Variants in ITGA10 observed in about 807,000 individuals in gnomAD.
The protein encoded by ITGA10 is integrin subunit alpha 10.
ITGA10 carries 105 observed loss-of-function variants against 145.2 expected under a neutral mutation model. The ratio of observed to expected loss-of-function variants is 0.72; its 90% CI spans 0.62 to 0.85. ITGA10 has a LOEUF of 0.85. Ranked by LOEUF, ITGA10 falls within the 40% of genes least tolerant of loss-of-function variation. ITGA10 has a pLI of 0.00. For missense variants in ITGA10, 1,317 were observed against 1,444.5 expected (o/e 0.91, Z 1.43); for synonymous variants, 506 against 557.8 (o/e 0.91, Z 1.31).
chr1:145,893,996 T>C (rs1010949176), intron 27 of ITGA10, among the ~76,000 whole-genome samples: 4 of 151,046 alleles, frequency 2.6e-5, no homozygotes, highest in African/African-American at 9.8e-5. Context: ...CCAACACTGG[T>C]GTTTACTTCT....
In ITGA10 at chr1:145,901,275, C is replaced by T. The variant is rs1553748267; in HGVS notation, c.1447G>A (p.Gly483Ser). The T allele has an allele frequency of 6.2e-7, 1 of 1,614,070 alleles. No individual in the cohort carries two copies. The highest frequency in any genetic ancestry group is 1.7e-5 in the Admixed American group (1 of 60,010). Residue 483 changes from glycine (G) to serine (S), a missense_variant, in exon 13 of 30, where the codon GGT (glycine) becomes AGT (serine). Gly to Ser is a moderately conservative substitution (Grantham distance 56). Transcript: ENST00000369304. The surrounding 1 kb of genome is among the most constrained non-coding windows in gnomAD (Gnocchi z 4.3). ...CAGAGCTCACTGCCAAAGTATGAAC[C>T]AATCTGGGGAATGGTGGGTGATGAT... is the stretch of plus-strand genomic sequence containing the variant. ...VAQSLQGEQI[G>S]SYFGSELCPL...
At chr1:145,894,375 G>T (rs782231582) in intron 27 of ITGA10, among the ~76,000 whole-genome samples, 33 of 152,122 alleles carry the variant, frequency 2.2e-4, no homozygotes, top group Non-Finnish European at 4.1e-4. Context: ...CTCCCAAAGT[G>T]CAGGGATTAC....
intron 4 of ITGA10, 69 bp downstream of exon 4, chr1:145,906,664 C>G: frequency 7.2e-7 from 1 of 1,397,536 alleles, no homozygotes; most frequent in Non-Finnish European, 1.0e-6. Context: ...ACCATTTTCC[C>G]TTACCACACT....
rs1345291595 is a variant in ITGA10, at chr1:145,897,539, G to C, written c.2547C>G (p.Asn849Lys). Residue 849 changes from asparagine to lysine, a missense_variant, in exon 20 of 30, where the codon AAC becomes AAG. By Grantham distance (94) the Asn-to-Lys change is moderately conservative. Transcript: ENST00000369304. ...GAGGAGTGAGACTGGCCAGGTGGAG[G>C]TTTCTAGAGAAGATGAGACTCAGGC... The part of the protein sequence containing the change: ...NTSLSLIFSR[N>K]LHLASLTPQR... The C allele has an allele frequency of 2.5e-6, 4 of 1,613,932 alleles. No individual in the cohort carries two copies. Among genetic ancestry groups the C allele is most frequent in the Middle Eastern group, 1.6e-4 (1 of 6,084 alleles).
At position 145,906,671 on chromosome 1, in the gene ITGA10, C is replaced by T. The variant is rs1357625369; in HGVS notation, c.366+62G>A. 3 of 1,423,792 alleles carry T rather than the reference C, an allele frequency of 2.1e-6. No individual in the cohort carries two copies. The African/African-American group carries it at 4.2e-5, about 20-fold the overall frequency. The allele number at this position is 1,423,792 out of a possible 1,614,324, so 88.2% of individuals were successfully genotyped here. A position where few individuals can be genotyped will look rare whatever the true frequency, so the allele number is the denominator to read the frequency against. ...CCACACAGACCATTTTCCCTTACCA[C>T]ACTTCTCTTTTTTCTTTTATGGACC... On this transcript the variant is annotated intron_variant, in intron 4 of 29. Transcript: ENST00000369304.
chr1:145,907,263 A>C (rs948016880), intron 2 of ITGA10, 91 bp downstream of exon 2: 47 of 1,604,698 alleles, frequency 2.9e-5, no homozygotes, highest in Non-Finnish European at 3.9e-5. Context: ...CTTTCAAAAG[A>C]CCAGATTAGT....
intron 5 of ITGA10, among the ~76,000 whole-genome samples, chr1:145,905,340 C>T (rs1656984702): frequency 6.6e-6 from 1 of 151,336 alleles, no homozygotes; most frequent in African/African-American, 2.4e-5. Flanking sequence ...AGTGCAGTGG[C>T]GCAATCTCGG....
rs1210561022 is a variant in ITGA10 at position 145,902,881 on chromosome 1, T to C, written c.839A>G (p.His280Arg). The part of the protein sequence containing the change: ...LLVVVTDGES[H>R]DGEELPAALK... ...TGCTGCAGGAAGCTCCTCTCCATCA[T>C]GGGACTCTCCATCAGTGACAACCAC... is the stretch of plus-strand genomic sequence containing the variant. Residue 280 changes from histidine (H) to arginine (R), a missense_variant, in exon 8 of 30, where the codon CAT becomes CGT. Transcript: ENST00000369304. 6.2e-7 allele frequency: 1 copy of C among 1,614,014 alleles called. No individual in the cohort carries two copies. The highest frequency in any genetic ancestry group is 8.5e-7 in the Non-Finnish European group (1 of 1,179,974).
chr1:145,903,918 A>G (rs1656727427), intron 7 of ITGA10, 134 bp downstream of exon 7: 3 of 904,708 alleles, frequency 3.3e-6, no homozygotes, highest in African/African-American at 1.7e-5. Context: ...CGAACTCCTG[A>G]CCTCAGGTGA....
At position 145,892,254 on chromosome 1, in the gene ITGA10, CCTT is replaced by C. The variant is rs1320896868; in HGVS notation, c.*541_*543del. ...TCTCTTGTGGCTTTTCCTCCTCCCT[CCTT>C]TTTTCCTGTTGACTCTCCCCATCCG... On this transcript the variant is annotated 3_prime_UTR_variant, in exon 30 of 30. Transcript: ENST00000369304. 2 of 153,378 alleles carry C rather than the reference CCTT, an allele frequency of 1.3e-5. No individual in the cohort carries two copies. Among genetic ancestry groups the C allele is most frequent in the Non-Finnish European group, 2.9e-5 (2 of 68,656 alleles). The allele number at this position is 153,378 out of a possible 1,614,324, so 9.5% of individuals were successfully genotyped here. A position where few individuals can be genotyped will look rare whatever the true frequency, so the allele number is the denominator to read the frequency against.
At chr1:145,906,951 T>C (rs1241960344) in intron 3 of ITGA10, 90 bp downstream of exon 3, 1 of 1,169,624 alleles carries the variant, frequency 8.5e-7, no homozygotes, top group Non-Finnish European at 1.2e-6. Context: ...ATGCGGATTT[T>C]AGGGGTGAAA....
Position 145,910,004 on chromosome 1 carries a change from G to A in ITGA10, c.11C>T (p.Pro4Leu), listed in dbSNP as rs1553752692. Residue 4 changes from proline to leucine, a missense_variant, in exon 1 of 30, where the codon CCC becomes CTC. By Grantham distance (98) the Pro-to-Leu change is moderately conservative (BLOSUM62 -3). Coordinates refer to ENST00000369304, the MANE Select transcript of ITGA10 (RefSeq NM_003637.5). Reference sequence around the variant, plus strand: ...GGGCAAGAACAGGTGAGTGACGAAGGGGAGTTCCATGCCTGATCGGTTTCT... The same window carrying A: ...GGGCAAGAACAGGTGAGTGACGAAGAGGAGTTCCATGCCTGATCGGTTTCT... MEL[P>L]FVTHLFLPLV... 4 of 1,613,082 alleles carry A rather than the reference G, an allele frequency of 2.5e-6. No individual in the cohort carries two copies. The highest frequency in any genetic ancestry group is 2.7e-5 in the African/African-American group (2 of 74,854).
Position 145,900,779 on chromosome 1 carries a change from G to T in ITGA10, c.1791+11C>A, listed in dbSNP as rs1656179132. The T allele has an allele frequency of 2.5e-6, 4 of 1,613,260 alleles. No individual in the cohort carries two copies. Among genetic ancestry groups the T allele is most frequent in the Non-Finnish European group, 3.4e-6 (4 of 1,179,438 alleles). On this transcript the variant is annotated intron_variant, in intron 14 of 29. Transcript: ENST00000369304. ...ACAACCGTGCCCCTGCTTTATTTGG[G>T]TACTCCTGACCTGGGCAGGATGGGG...
chr1:145,894,881 G>A (rs1414828577), intron 27 of ITGA10, among the ~76,000 whole-genome samples: 2 of 152,028 alleles, frequency 1.3e-5, no homozygotes, highest in Non-Finnish European at 2.9e-5. Context: ...CCTAATACAG[G>A]GCCTTTTACG....
At position 145,901,674 on chromosome 1, in the gene ITGA10, G is replaced by A. The variant is rs1559204065; in HGVS notation, c.1295-10C>T. The A allele has an allele frequency of 6.4e-7, 1 of 1,552,202 alleles. No individual in the cohort carries two copies. The highest frequency in any genetic ancestry group is 8.7e-7 in the Non-Finnish European group (1 of 1,150,828). Reference sequence around the variant, plus strand: ...GAAGAAACAGAGTAACCTAGAAGTGGGCAAAGTAACAGAGGTAAAGGAAAA... The same window carrying A: ...GAAGAAACAGAGTAACCTAGAAGTGAGCAAAGTAACAGAGGTAAAGGAAAA... On this transcript the variant is annotated splice_polypyrimidine_tract_variant and intron_variant, in intron 11 of 29. Coordinates refer to ENST00000369304, the MANE Select transcript of ITGA10 (RefSeq NM_003637.5). The surrounding 1 kb of genome is among the most constrained non-coding windows in gnomAD (Gnocchi z 4.3).
chr1:145,907,327 C>T (rs1265884826), intron 2 of ITGA10, 27 bp downstream of exon 2: 1 of 1,614,046 alleles, frequency 6.2e-7, no homozygotes, highest in African/African-American at 1.3e-5. Context: ...CAGTCCCAAT[C>T]CCCTGGCACT....
chr1:145,899,140 T>C, intron 16 of ITGA10, 35 bp downstream of exon 16: 2 of 1,614,212 alleles, frequency 1.2e-6, no homozygotes, highest in Middle Eastern at 1.6e-4. Context: ...ATGCAAGGAA[T>C]TGAGAGTTGC....
At position 145,900,911 on chromosome 1, in the gene ITGA10, G is replaced by T; in HGVS notation, c.1670C>A (p.Pro557His). Residue 557 changes from proline (P) to histidine (H), a missense_variant, in exon 14 of 30, where the codon CCT (proline) becomes CAT (histidine). Physicochemically the swap from Pro to His is moderately conservative, Grantham distance 77 (BLOSUM62 -2). Transcript: ENST00000369304. The stretch of plus-strand genomic sequence containing the variant: ...AGCAAAACCATCTTGGTTCAGATCA[G>T]GAAGAGCTCCCATGGCAAAGCCAAA... The part of the protein sequence containing the change: ...ARFGFAMGAL[P>H]DLNQDGFADV... 1.2e-6 allele frequency: 2 copies of T among 1,614,154 alleles called. No individual in the cohort carries two copies. The highest frequency in any genetic ancestry group is 1.7e-6 in the Non-Finnish European group (2 of 1,180,034).
chr1:145,907,581 T>C lies in ITGA10; in HGVS notation c.53-116A>G, dbSNP rs1397889631. 2.0e-6 allele frequency: 3 copies of C among 1,510,228 alleles called. No individual in the cohort carries two copies. The East Asian group carries it at 6.9e-5, about 35-fold the overall frequency. 93.6% of individuals were successfully genotyped at this position (1,510,228 alleles called of 1,614,324 possible). ...GTCTGCCTGCCTGCTTTTTCACTCA[T>C]AAGCTTTTCTGGCCTCTCTCAGTGT... On this transcript the variant is annotated intron_variant, in intron 1 of 29. Coordinates refer to ENST00000369304, the MANE Select transcript of ITGA10 (RefSeq NM_003637.5).
Sources: allele counts gnomAD v4.1 joint callset (sites outside exome capture counted in the v4.1 genomes callset), GRCh38; gene constraint gnomAD v4.1.1; non-coding constraint Gnocchi (gnomAD v3.1); transcripts MANE v1.5; gene names NCBI Gene and HGNC (gene_info 2026-07-23, HGNC 2026-07-21).